The following KARS1 variants were observed in gnomAD, a reference collection of about 807,000 sequenced individuals.
KARS1 encodes the protein lysine--tRNA ligase.
Under a neutral mutation model 63.9 loss-of-function variants are expected in KARS1, and 50 were observed. The ratio of observed to expected loss-of-function variants is 0.78; its 90% CI spans 0.62 to 0.99. KARS1 has a LOEUF of 0.99. Among genes scored for constraint, KARS1 ranks in the 50% least tolerant of loss-of-function variants. The pLI, the probability that KARS1 is intolerant of heterozygous loss-of-function variation, is 0.00. For synonymous variants in KARS1, 320 were observed against 264.6 expected (o/e 1.21, Z -2.03); for missense variants, 816 against 754.5 (o/e 1.08, Z -0.95).
chr16:75,634,648 T>C (rs955452390), intron 6 of KARS1, among the ~76,000 whole-genome samples: 5 of 152,186 alleles, frequency 3.3e-5, no homozygotes, highest in Non-Finnish European at 7.3e-5. Context: ...CGATCTCGGC[T>C]CATGGCAAGC....
intron 1 of KARS1, among the ~76,000 whole-genome samples, chr16:75,643,354 T>C (rs775575620): frequency 6.6e-6 from 1 of 151,602 alleles, no homozygotes. Flanking sequence ...CTTTAAAAAA[T>C]GAATTGAGGT....
chr16:75,642,011 T>C (rs2082230254), intron 1 of KARS1, among the ~76,000 whole-genome samples: 1 of 152,056 alleles, frequency 6.6e-6, no homozygotes, highest in African/African-American at 2.4e-5. Flanking sequence ...AAAACCAAGA[T>C]GTACCAAGAC....
chr16:75,631,616 G>T, intron 8 of KARS1, 27 bp from the exon 9 acceptor site: 1 of 1,613,990 alleles, frequency 6.2e-7, no homozygotes. Flanking sequence ...TTATTTAGCG[G>T]GAATGAAATC....
At chr16:75,644,698 A>G (rs958731666) in intron 1 of KARS1, among the ~76,000 whole-genome samples, 1 of 152,242 alleles carries the variant, frequency 6.6e-6, no homozygotes, top group African/African-American at 2.4e-5. Flanking sequence ...TAAAGCCAAC[A>G]GCAAGTTAAT....
intron 3 of KARS1, among the ~76,000 whole-genome samples, chr16:75,638,217 C>CT (rs57551067): frequency 0.17 from 24,629 of 146,912 alleles, 2,121 homozygotes; most frequent in Middle Eastern, 0.24. Context: ...CAAAAAGTTC[C>CT]TTTTTTTTTT....
Position 75,627,838 on chromosome 16 carries a change from T to C in KARS1, c.*57A>G. ...CACACAAGAATTCCCTTGCAGACCT[T>C]GATCTTTCGCAGAAATGCAAAGACG... On this transcript the variant is annotated 3_prime_UTR_variant, in exon 14 of 14. Transcript: ENST00000302445. 2.0e-6 allele frequency: 2 copies of C among 977,724 alleles called. No individual in the cohort carries two copies. The highest frequency in any genetic ancestry group is 1.7e-6 in the Non-Finnish European group (1 of 599,104). 60.6% of individuals were successfully genotyped at this position (977,724 alleles called of 1,614,324 possible).
chr16:75,647,491 C>T, intron 1 of KARS1, 87 bp downstream of exon 1: 1 of 1,266,944 alleles, frequency 7.9e-7, no homozygotes, highest in Non-Finnish European at 1.1e-6. Flanking sequence ...AAGGCCCCGG[C>T]ACAGCAGCCT....
At position 75,628,622 on chromosome 16, in the gene KARS1, C is replaced by T. The variant is rs1218471642; in HGVS notation, c.1642G>A (p.Gly548Ser). 2 of 1,614,154 alleles carry T rather than the reference C, an allele frequency of 1.2e-6. No individual in the cohort carries two copies. The highest frequency in any genetic ancestry group is 8.5e-7 in the Non-Finnish European group (1 of 1,180,040). Reference sequence around the variant, plus strand: ...ATGGCGACTCGATCAATGCCCATGCCCCAGCCAGCTGTGGGGGGCAGCCCA... The same window carrying T: ...ATGGCGACTCGATCAATGCCCATGCTCCAGCCAGCTGTGGGGGGCAGCCCA... Reference protein sequence around the residue: ...EYGLPPTAGWGMGIDRVAMFL... With the variant: ...EYGLPPTAGWSMGIDRVAMFL... Residue 548 changes from glycine (G) to serine (S), a missense_variant, in exon 13 of 14, where the codon GGC becomes AGC. By Grantham distance (56) the Gly-to-Ser change is moderately conservative. Coordinates refer to ENST00000302445, the MANE Select transcript of KARS1 (RefSeq NM_005548.3).
At chr16:75,633,449 C>G (rs757141207) in intron 7 of KARS1, among the ~76,000 whole-genome samples, 2 of 151,646 alleles carry the variant, frequency 1.3e-5, no homozygotes, top group Admixed American at 6.6e-5. Flanking sequence ...ACTAAGAATC[C>G]TGAATAATAA....
At chr16:75,637,727 T>C (rs1241209766) in intron 3 of KARS1, among the ~76,000 whole-genome samples, 1 of 145,738 alleles carries the variant, frequency 6.9e-6, no homozygotes, top group Non-Finnish European at 1.5e-5. Context: ...TGCAGTGAGC[T>C]GAGATCACGG....
At chr16:75,628,235 A>T (rs2082072788) in intron 13 of KARS1, among the ~76,000 whole-genome samples, 1 of 152,264 alleles carries the variant, frequency 6.6e-6, no homozygotes, top group Non-Finnish European at 1.5e-5. Context: ...ACGCATTTCT[A>T]TGAAAATTTG....
In KARS1 at chr16:75,634,224, G is replaced by T. The variant is rs147818487; in HGVS notation, c.864C>A (p.Asn288Lys). 1.2e-6 allele frequency: 2 copies of T among 1,613,842 alleles called. No individual in the cohort carries two copies. Among genetic ancestry groups the T allele is most frequent in the East Asian group, 2.2e-5 (1 of 44,876 alleles). Residue 288 changes from asparagine (N) to lysine (K), a missense_variant, in exon 7 of 14, where the codon AAC (asparagine) becomes AAA (lysine). Transcript: ENST00000302445. The stretch of plus-strand genomic sequence containing the variant: ...TCATATATAAGTTCATGTCCAGCTC[G>T]TTGTGATAAGTGATGAAAGGCTTGG... ...AVAKPFITYH[N>K]ELDMNLYMRI...
At chr16:75,640,771 C>T (rs1414497519) in intron 2 of KARS1, among the ~76,000 whole-genome samples, 1 of 152,208 alleles carries the variant, frequency 6.6e-6, no homozygotes, top group Non-Finnish European at 1.5e-5. Context: ...AGAATGTAAA[C>T]AAGGAATACT....
At position 75,629,035 on chromosome 16, in the gene KARS1, C is replaced by T. The variant is rs1322450678; in HGVS notation, c.1552-323G>A. ...AATTACAAGAGTCTTTCTCCCATTT[C>T]CTGAAAACAGCCCTGTCAACACCTG... On this transcript the variant is annotated intron_variant, in intron 12 of 13. Coordinates refer to ENST00000302445, the MANE Select transcript of KARS1 (RefSeq NM_005548.3). The T allele has an allele frequency of 1.1e-5, 5 of 469,404 alleles. No homozygotes were observed. The Admixed American group carries it at 1.3e-4, about 13-fold the overall frequency. 29.1% of individuals were successfully genotyped at this position (469,404 alleles called of 1,614,324 possible).
At chr16:75,631,373 G>C (rs1412921952) in intron 9 of KARS1, 43 bp downstream of exon 9, 1 of 1,605,214 alleles carries the variant, frequency 6.2e-7, no homozygotes, top group South Asian at 1.1e-5. Context: ...AGCTGAACAG[G>C]AAGGAGGGCC....
chr16:75,634,333 G>C lies in KARS1; in HGVS notation c.796-41C>G, dbSNP rs200641085. 1.0e-4 allele frequency: 165 copies of C among 1,609,462 alleles called. 2 individuals carry two copies. The highest frequency in any genetic ancestry group is 7.6e-4 in the East Asian group (34 of 44,816). ...AGAAACATCAGTCCTTAGATAACCAGAGGCCTTGGGGACAGACCATGCTTT... is the reference window on the plus strand; with the variant it reads ...AGAAACATCAGTCCTTAGATAACCACAGGCCTTGGGGACAGACCATGCTTT... On this transcript the variant is annotated intron_variant, in intron 6 of 13. Coordinates refer to ENST00000302445, the MANE Select transcript of KARS1 (RefSeq NM_005548.3).
intron 7 of KARS1, among the ~76,000 whole-genome samples, chr16:75,632,521 G>A (rs2151802923): frequency 6.6e-6 from 1 of 152,336 alleles, no homozygotes; most frequent in African/African-American, 2.4e-5. Flanking sequence ...AACAAAAGAT[G>A]TGGGTATTGC....
intron 13 of KARS1, among the ~76,000 whole-genome samples, chr16:75,628,318 T>G (rs1324013719): frequency 6.6e-6 from 1 of 152,228 alleles, no homozygotes; most frequent in African/African-American, 2.4e-5. Flanking sequence ...GCTGAAATAA[T>G]GCACGGAGAC....
intron 7 of KARS1, among the ~76,000 whole-genome samples, chr16:75,633,449 C>T (rs757141207): frequency 6.6e-6 from 1 of 151,646 alleles, no homozygotes; most frequent in Admixed American, 6.6e-5. Flanking sequence ...ACTAAGAATC[C>T]TGAATAATAA....
Sources: allele counts gnomAD v4.1 joint callset (sites outside exome capture counted in the v4.1 genomes callset), GRCh38; gene constraint gnomAD v4.1.1; transcripts MANE v1.5; gene names NCBI Gene and HGNC (gene_info 2026-07-23, HGNC 2026-07-21).